Variants in PDCL3 observed in about 807,000 individuals in gnomAD.
PDCL3 encodes the protein phosducin-like protein 3.
Under a neutral mutation model 26.5 loss-of-function variants are expected in PDCL3, and 22 were observed. The observed-to-expected ratio is 0.83, with a 90% CI of 0.59 to 1.19. The LOEUF (loss-of-function observed/expected upper bound fraction) is 1.19. Ranked by LOEUF, PDCL3 falls within the 50% of genes most tolerant of loss-of-function variation. PDCL3 has a pLI of 0.00. For synonymous variants in PDCL3, 81 were observed against 104.9 expected (o/e 0.77, Z 1.39); for missense variants, 246 against 294.1 (o/e 0.84, Z 1.20).
chr2:100,565,745 C>T (rs967146817), intron 1 of PDCL3, among the ~76,000 whole-genome samples: 4 of 152,174 alleles, frequency 2.6e-5, no homozygotes, highest in Non-Finnish European at 5.9e-5. Context: ...AATTTTATCT[C>T]TCTATGTATA....
At chr2:100,566,394 G>A (rs1675059719) in intron 1 of PDCL3, 109 bp from the exon 2 acceptor site, 1 of 1,347,210 alleles carries the variant, frequency 7.4e-7, no homozygotes, top group Non-Finnish European at 1.0e-6. Flanking sequence ...TTCACAGACT[G>A]GTGTGCATTC....
At chr2:100,575,336 C>G (rs184798332) in intron 5 of PDCL3, among the ~76,000 whole-genome samples, 15 of 152,190 alleles carry the variant, frequency 9.9e-5, no homozygotes, top group East Asian at 3.9e-4. Context: ...GGGGTTTCAC[C>G]GTGTTAGCCA....
At chr2:100,569,464 A>AT in intron 3 of PDCL3, 114 bp from the exon 4 acceptor site, 1 of 1,270,914 alleles carries the variant, frequency 7.9e-7, no homozygotes, top group South Asian at 1.9e-5. Flanking sequence ...CTGATCTTAG[A>AT]TTTTTGCCAT....
At chr2:100,573,683 A>AAG (rs1444793687) in intron 5 of PDCL3, among the ~76,000 whole-genome samples, 1 of 152,032 alleles carries the variant, frequency 6.6e-6, no homozygotes, top group East Asian at 1.9e-4. Flanking sequence ...AAAAAAAAAA[A>AAG]AAAAAGATAT....
intron 1 of PDCL3, 146 bp downstream of exon 1, chr2:100,563,219 C>A: frequency 9.7e-7 from 1 of 1,025,720 alleles, no homozygotes; most frequent in Non-Finnish European, 1.4e-6. Context: ...CCTGCGCAGG[C>A]GCAGTGCGGG....
In PDCL3 at chr2:100,576,701, TA is replaced by T. The variant is rs976674238; in HGVS notation, c.*213del. ...TTTTTTTAAATTATAGTATTTCCTC[TA>T]AAAAAAATTAAAACCAGCCATTTGT... On this transcript the variant is annotated 3_prime_UTR_variant, in exon 6 of 6. Coordinates refer to ENST00000264254, the MANE Select transcript of PDCL3 (RefSeq NM_024065.5). 5.0e-5 allele frequency: 24 copies of T among 479,502 alleles called. No individual in the cohort carries two copies. Among genetic ancestry groups the T allele is most frequent in the East Asian group, 8.0e-5 (2 of 24,866 alleles). 29.7% of individuals were successfully genotyped at this position (479,502 alleles called of 1,614,324 possible).
chr2:100,573,671 CAA>C (rs67667967), intron 5 of PDCL3, among the ~76,000 whole-genome samples: 1,449 of 104,782 alleles, frequency 0.014, 18 homozygotes, highest in African/African-American at 0.046. Flanking sequence ...AACTCTATCT[CAA>C]AAAAAAAAAA....
At position 100,576,491 on chromosome 2, in the gene PDCL3, G is replaced by A. The variant is rs369835454; in HGVS notation, c.715G>A (p.Asp239Asn). 4 of 1,602,138 alleles carry A rather than the reference G, an allele frequency of 2.5e-6. No homozygotes were observed. Among genetic ancestry groups the A allele is most frequent in the African/African-American group, 2.7e-5 (2 of 74,240 alleles). ...LMKRDSDSEG[D>N] is the part of the protein sequence containing the mutation. ...GAAGAGGGACAGCGATTCCGAGGGT[G>A]ACTGAGGCTACAGCTTCTATCACAT... is the stretch of plus-strand genomic sequence containing the variant. The change falls in exon 6 of 6, where the codon GAC becomes AAC. Residue 239 changes from aspartate to asparagine, a missense_variant. Asp to Asn is a conservative substitution (Grantham distance 23, BLOSUM62 1). Transcript: ENST00000264254.
rs945388318 is a variant in PDCL3 at position 100,566,507 on chromosome 2, C to T, written c.11C>T (p.Pro4Leu). 10 of 1,612,064 alleles carry T rather than the reference C, an allele frequency of 6.2e-6. No homozygotes were observed. The African/African-American group carries it at 1.3e-4, about 22-fold the overall frequency. Reference protein sequence around the residue: MQDPNADTEWNDIL... With the variant: MQDLNADTEWNDIL... ...ACCTTGGTCCCGCTCTTCTAGGACC[C>T]CAACGCAGACACTGAATGGAATGAC... Residue 4 changes from proline (P) to leucine (L), a missense_variant, in exon 2 of 6, where the codon CCC becomes CTC. Coordinates refer to ENST00000264254, the MANE Select transcript of PDCL3 (RefSeq NM_024065.5).
intron 4 of PDCL3, among the ~76,000 whole-genome samples, chr2:100,570,799 C>T (rs1174225456): frequency 6.6e-6 from 1 of 152,014 alleles, no homozygotes; most frequent in Non-Finnish European, 1.5e-5. Context: ...AAGCAGAAAA[C>T]GTTTTCTGAC....
rs992478595 is a variant in PDCL3, at chr2:100,571,700, A to G, written c.479A>G (p.Asp160Gly). 2.5e-6 allele frequency: 4 copies of G among 1,613,734 alleles called. No individual in the cohort carries two copies. The highest frequency in any genetic ancestry group is 3.4e-6 in the Non-Finnish European group (4 of 1,179,988). ...ISTTCIPNYP[D>G]RNLPTIFVYL... Reference sequence around the variant, plus strand: ...ACAACCTGCATACCCAATTATCCTGATAGGAATCTGCCCACGATATTTGTT... The same window carrying G: ...ACAACCTGCATACCCAATTATCCTGGTAGGAATCTGCCCACGATATTTGTT... The change falls in exon 5 of 6, where the codon GAT becomes GGT. Residue 160 changes from aspartate (D) to glycine (G), a missense_variant. Asp to Gly is a moderately conservative substitution (Grantham distance 94, BLOSUM62 -1). Transcript: ENST00000264254.
chr2:100,570,252 A>T (rs997936963), intron 4 of PDCL3, among the ~76,000 whole-genome samples: 1 of 152,180 alleles, frequency 6.6e-6, no homozygotes, highest in African/African-American at 2.4e-5. Flanking sequence ...ATAGCAATGA[A>T]GACTATGCTT....
intron 1 of PDCL3, chr2:100,563,384 C>T (rs1297603006): frequency 5.5e-6 from 2 of 363,430 alleles, no homozygotes; most frequent in East Asian, 4.8e-5. Flanking sequence ...ACAAAAGTTA[C>T]CTCCTCTCCT....
intron 5 of PDCL3, among the ~76,000 whole-genome samples, chr2:100,572,606 C>G (rs1675200585): frequency 6.6e-6 from 1 of 151,972 alleles, no homozygotes; most frequent in South Asian, 2.1e-4. Flanking sequence ...CAACCTCTGC[C>G]CCCCAGGTTC....
intron 1 of PDCL3, among the ~76,000 whole-genome samples, chr2:100,564,325 C>CT (rs1343803692): frequency 6.6e-6 from 1 of 151,788 alleles, no homozygotes; most frequent in Non-Finnish European, 1.5e-5. Flanking sequence ...GAGACAGAGT[C>CT]TTGCTCTGTC....
intron 5 of PDCL3, 93 bp downstream of exon 5, chr2:100,571,891 G>A: frequency 8.9e-7 from 1 of 1,118,992 alleles, no homozygotes; most frequent in Non-Finnish European, 1.3e-6. Flanking sequence ...TGTTACGATG[G>A]TGGGTCAAGT....
intron 4 of PDCL3, among the ~76,000 whole-genome samples, chr2:100,570,412 G>A (rs377553809): frequency 1.3e-5 from 2 of 151,218 alleles, no homozygotes; most frequent in East Asian, 3.9e-4. Context: ...GAGGGCCTCT[G>A]ATTTTTCTCA....
intron 5 of PDCL3, 94 bp downstream of exon 5, chr2:100,571,892 T>C: frequency 7.6e-7 from 1 of 1,307,218 alleles, no homozygotes; most frequent in Non-Finnish European, 1.1e-6. Flanking sequence ...GTTACGATGG[T>C]GGGTCAAGTT....
rs764119428 is a variant in PDCL3 at position 100,571,683 on chromosome 2, C to T, written c.462C>T (p.Cys154=). The T allele has an allele frequency of 2.5e-6, 4 of 1,613,670 alleles. No homozygotes were observed. Among genetic ancestry groups the T allele is most frequent in the Non-Finnish European group, 3.4e-6 (4 of 1,179,906 alleles). ...TTATCAAAGCCATTTCAACAACCTG[C>T]ATACCCAATTATCCTGATAGGAATC... ...VKFIKAISTT[C]IPNYPDRNLP... The change falls in exon 5 of 6, where the codon TGC becomes TGT. Residue 154 remains cysteine, a synonymous_variant. Transcript: ENST00000264254.
Sources: gnomAD v4.1 joint callset for allele counts (sites outside exome capture counted in the v4.1 genomes callset) on GRCh38, gnomAD v4.1.1 for gene constraint, MANE v1.5 for transcripts, NCBI Gene and HGNC (gene_info 2026-07-23, HGNC 2026-07-21) for gene names.